CEP85L: variants seen among roughly 807,000 people sequenced by gnomAD.
CEP85L encodes centrosomal protein 85L.
Under a neutral mutation model 100.3 loss-of-function variants are expected in CEP85L, and 60 were observed. The ratio of observed to expected loss-of-function variants is 0.60; its 90% CI spans 0.49 to 0.74. The LOEUF (loss-of-function observed/expected upper bound fraction) is 0.74, where lower values mean the gene tolerates loss of function less well. CEP85L is among the 30% of genes least tolerant of loss of function. The pLI is 0.00. For missense variants in CEP85L, 973 were observed against 936.2 expected, an observed-to-expected ratio of 1.04 and a Z score of -0.51; for synonymous variants, 319 against 322.7, an observed-to-expected ratio of 0.99 and a Z score of 0.12.
Position 118,529,591 on chromosome 6 carries a change from G to C in CEP85L, c.1021-5671C>G, listed in dbSNP as rs572241529. ...CCACTGCACTACAGCCTGGGCGACAGAGCGAGACTCTGTCTCCAAAAAAAA... is the reference window on the plus strand; with the variant it reads ...CCACTGCACTACAGCCTGGGCGACACAGCGAGACTCTGTCTCCAAAAAAAA... On this transcript the variant is annotated intron_variant, in intron 3 of 12. Coordinates refer to ENST00000368491, the MANE Select transcript of CEP85L (RefSeq NM_001042475.3). 1.5e-4 allele frequency among the ~76,000 whole-genome samples: 19 copies of C among 123,528 alleles called. No individual in the cohort carries two copies. In the South Asian group the frequency reaches 2.7e-3, roughly 17 times the overall value. 81.0% of individuals were successfully genotyped at this position (123,528 alleles called of 152,430 possible).
intron 1 of CEP85L, among the ~76,000 whole-genome samples, chr6:118,634,536 G>A (rs984100216): frequency 6.6e-6 from 1 of 152,064 alleles, no homozygotes; most frequent in African/African-American, 2.4e-5. Context: ...GAAAAACAGT[G>A]GCCAAAGAGA....
chr6:118,521,637 G>C (rs1323306155), intron 4 of CEP85L, among the ~76,000 whole-genome samples: 1 of 152,112 alleles, frequency 6.6e-6, no homozygotes, highest in African/African-American at 2.4e-5. Context: ...AGCCAGTTCT[G>C]AGTCTAAGCT....
chr6:118,467,326 G>T (rs896519113), intron 12 of CEP85L, among the ~76,000 whole-genome samples: 1 of 152,104 alleles, frequency 6.6e-6, no homozygotes, highest in Non-Finnish European at 1.5e-5. Context: ...GTAACAAAAG[G>T]CTTCTGGGGA....
At chr6:118,545,668 T>G in intron 3 of CEP85L, among the ~76,000 whole-genome samples, 1 of 152,174 alleles carries the variant, frequency 6.6e-6, no homozygotes, top group East Asian at 1.9e-4. Context: ...AGTAAAGACA[T>G]GAACTCATGA....
chr6:118,569,736 A>G, intron 2 of CEP85L, among the ~76,000 whole-genome samples: 1 of 151,926 alleles, frequency 6.6e-6, no homozygotes, highest in East Asian at 1.9e-4. Context: ...TCAATGTAAC[A>G]GACAAAGGCT....
chr6:118,516,439 A>C (rs1320848759), intron 4 of CEP85L, among the ~76,000 whole-genome samples: 2 of 152,080 alleles, frequency 1.3e-5, no homozygotes, highest in African/African-American at 4.8e-5. Flanking sequence ...TTTAAGGATC[A>C]CCATTCTAAC....
chr6:118,514,524 CAAAAAAAAAA>C (rs561316113), intron 4 of CEP85L, among the ~76,000 whole-genome samples: 2 of 87,576 alleles, frequency 2.3e-5, no homozygotes, highest in Non-Finnish European at 4.4e-5. Flanking sequence ...GACACTGTCT[CAAAAAAAAAA>C]AAAAAAAAAG....
intron 3 of CEP85L, among the ~76,000 whole-genome samples, chr6:118,543,397 T>A (rs1778020355): frequency 6.6e-6 from 1 of 152,124 alleles, no homozygotes; most frequent in South Asian, 2.1e-4. Context: ...TATAAAAATA[T>A]CTTATTGAGC....
chr6:118,647,086 T>C (rs1475405127), intron 1 of CEP85L: 3 of 984,908 alleles, frequency 3.0e-6, no homozygotes, highest in Non-Finnish European at 3.6e-6. Flanking sequence ...AGAGTTATGT[T>C]TCATTGTTAC....
intron 5 of CEP85L, among the ~76,000 whole-genome samples, chr6:118,495,315 A>G (rs1774847842): frequency 6.6e-6 from 1 of 152,000 alleles, no homozygotes; most frequent in Admixed American, 6.6e-5. Context: ...TTGTGTCCCC[A>G]CCCAAATCTC....
intron 4 of CEP85L, among the ~76,000 whole-genome samples, chr6:118,515,299 A>G (rs1051122356): frequency 2.0e-5 from 3 of 152,206 alleles, no homozygotes; most frequent in Non-Finnish European, 1.5e-5. Flanking sequence ...ATATTTTGAC[A>G]CCTGGATCTC....
At chr6:118,670,262 G>A (rs897272644) in intron 1 of CEP85L, among the ~76,000 whole-genome samples, 2 of 151,178 alleles carry the variant, frequency 1.3e-5, no homozygotes, top group African/African-American at 4.9e-5. Context: ...AGGGGTACGA[G>A]TGCAGGTTTG....
chr6:118,539,800 G>C (rs950303488), intron 3 of CEP85L, among the ~76,000 whole-genome samples: 2 of 152,128 alleles, frequency 1.3e-5, no homozygotes, highest in Non-Finnish European at 2.9e-5. Context: ...GGGAGAGGGA[G>C]CATGCTTTTA....
At chr6:118,636,283 G>A (rs1333437114) in intron 1 of CEP85L, among the ~76,000 whole-genome samples, 3 of 152,174 alleles carry the variant, frequency 2.0e-5, no homozygotes, top group African/African-American at 7.2e-5. Flanking sequence ...TCTTTATTTG[G>A]AAGAAAAGTG....
intron 2 of CEP85L, among the ~76,000 whole-genome samples, chr6:118,585,755 T>C (rs1473083406): frequency 1.3e-5 from 2 of 152,208 alleles, no homozygotes; most frequent in Non-Finnish European, 2.9e-5. Context: ...TCAAGCAAGT[T>C]GTTCATGCTT....
At chr6:118,616,582 T>C (rs1239443631) in intron 2 of CEP85L, among the ~76,000 whole-genome samples, 2 of 146,462 alleles carry the variant, frequency 1.4e-5, no homozygotes, top group African/African-American at 5.1e-5. Context: ...CTGTGCTCTG[T>C]GGCCAGGTAT....
intron 1 of CEP85L, among the ~76,000 whole-genome samples, chr6:118,644,157 A>T (rs908806954): frequency 6.6e-6 from 1 of 152,174 alleles, no homozygotes; most frequent in Non-Finnish European, 1.5e-5. Context: ...AAATGCATTG[A>T]TGCATTTTCT....
chr6:118,643,684 A>T (rs1388508018), intron 1 of CEP85L, among the ~76,000 whole-genome samples: 2 of 148,316 alleles, frequency 1.3e-5, no homozygotes, highest in African/African-American at 2.6e-5. Flanking sequence ...ACAGCAGGAG[A>T]AAAAAAACAA....
chr6:118,562,604 C>A (rs546278064), intron 3 of CEP85L, among the ~76,000 whole-genome samples: 2 of 152,248 alleles, frequency 1.3e-5, no homozygotes, highest in African/African-American at 2.4e-5. Context: ...AAGCTATCCA[C>A]CCCCCATCAG....
Sources: allele counts gnomAD v4.1 joint callset (sites outside exome capture counted in the v4.1 genomes callset), GRCh38; gene constraint gnomAD v4.1.1; transcripts MANE v1.5; gene names NCBI Gene and HGNC (gene_info 2026-07-23, HGNC 2026-07-21).